NEMF: variants seen among roughly 807,000 people sequenced by gnomAD.
NEMF encodes the protein ribosome quality control complex subunit NEMF.
Under a neutral mutation model 162.2 loss-of-function variants are expected in NEMF, and 89 were observed. The ratio of observed to expected loss-of-function variants is 0.55; its 90% CI spans 0.46 to 0.65. The LOEUF is 0.65. Ranked by LOEUF, NEMF falls within the 30% of genes least tolerant of loss-of-function variation. The pLI is 0.00. For synonymous variants in NEMF, 421 were observed against 404.5 expected, an observed-to-expected ratio of 1.04 and a Z score of -0.49; for missense variants, 1,133 against 1,261.9, an observed-to-expected ratio of 0.90 and a Z score of 1.55.
intron 6 of NEMF, among the ~76,000 whole-genome samples, chr14:49,834,963 C>A (rs1892825876): frequency 6.6e-6 from 1 of 152,148 alleles, no homozygotes; most frequent in South Asian, 2.1e-4. Context: ...CTTTGGGAGG[C>A]CAAGGCAGGC....
At chr14:49,815,480 T>C (rs1346164589) in intron 16 of NEMF, among the ~76,000 whole-genome samples, 1 of 152,194 alleles carries the variant, frequency 6.6e-6, no homozygotes, top group African/African-American at 2.4e-5. Context: ...CTACATTATA[T>C]ATGACTACAG....
intron 26 of NEMF, 27 bp from the exon 27 acceptor site, chr14:49,789,600 A>G: frequency 6.3e-7 from 1 of 1,594,432 alleles, no homozygotes; most frequent in East Asian, 2.2e-5. Context: ...TTTTGGTTGG[A>G]AATATTCAGC....
Position 49,799,649 on chromosome 14 carries a change from T to C in NEMF, c.2402A>G (p.Glu801Gly), listed in dbSNP as rs559066176. 20 of 1,612,242 alleles carry C rather than the reference T, an allele frequency of 1.2e-5. No homozygotes were observed. In the South Asian group the frequency reaches 1.9e-4, roughly 15 times the overall value. Residue 801 changes from glutamate to glycine, a missense_variant, in exon 24 of 33, where the codon GAA (glutamate) becomes GGA (glycine). Transcript: ENST00000298310. ...AAAATAGCTTACAGAATTAGAAGAT[T>C]CCTCTTTTGAAGCCAATTTCTGGAT... ...RSIQKLASKE[E>G]SSNSSDSKSQ...
At chr14:49,805,794 C>T (rs1891159427) in intron 19 of NEMF, among the ~76,000 whole-genome samples, 1 of 152,070 alleles carries the variant, frequency 6.6e-6, no homozygotes. Flanking sequence ...GAAAGGTTCC[C>T]CCAATACTTC....
intron 5 of NEMF, among the ~76,000 whole-genome samples, chr14:49,838,819 T>C (rs61982322): frequency 1.5e-4 from 23 of 152,142 alleles, no homozygotes; most frequent in Non-Finnish European, 2.2e-4. Flanking sequence ...CTCCTGACCT[T>C]GTGATCCGCC....
intron 8 of NEMF, among the ~76,000 whole-genome samples, chr14:49,833,044 T>C (rs896370650): frequency 6.6e-6 from 1 of 152,156 alleles, no homozygotes; most frequent in Non-Finnish European, 1.5e-5. Flanking sequence ...GGCAGGCGGA[T>C]CACTTGAGGT....
intron 13 of NEMF, 31 bp downstream of exon 13, chr14:49,829,023 C>T (rs775803109): frequency 1.3e-6 from 2 of 1,568,702 alleles, no homozygotes; most frequent in African/African-American, 1.4e-5. Flanking sequence ...TAAAGACAAG[C>T]ATTAACTGCT....
At chr14:49,804,668 A>AC (rs1160154754) in intron 19 of NEMF, among the ~76,000 whole-genome samples, 1 of 1,312 alleles carries the variant, frequency 7.6e-4, no homozygotes. Flanking sequence ...TCCATCTCAT[A>AC]AAAAAAAAAA....
intron 27 of NEMF, 45 bp downstream of exon 27, chr14:49,789,451 C>T: frequency 6.2e-7 from 1 of 1,609,520 alleles, no homozygotes; most frequent in Non-Finnish European, 8.5e-7. Context: ...GGGCTAGATG[C>T]CCATTTGAAA....
chr14:49,793,845 G>A (rs1890563534), intron 26 of NEMF, among the ~76,000 whole-genome samples: 1 of 151,638 alleles, frequency 6.6e-6, no homozygotes, highest in Admixed American at 6.6e-5. Context: ...TGACAATGTA[G>A]TATCTATTAA....
At position 49,850,596 on chromosome 14, in the gene NEMF, G is replaced by A. The variant is rs572928826; in HGVS notation, c.231+967C>T. 2.0e-5 allele frequency among the ~76,000 whole-genome samples: 3 copies of A among 151,972 alleles called. No individual in the cohort carries two copies. The East Asian group carries it at 5.8e-4, about 29-fold the overall frequency. ...TACCACATGAATTTTCAATCTATAT[G>A]TTACATCAATAAAAGAATGGGTAGC... On this transcript the variant is annotated intron_variant, in intron 3 of 32. Coordinates refer to ENST00000298310, the MANE Select transcript of NEMF (RefSeq NM_004713.6).
At chr14:49,799,139 T>C (rs1254730367) in intron 25 of NEMF, among the ~76,000 whole-genome samples, 1 of 134,342 alleles carries the variant, frequency 7.4e-6, no homozygotes, top group Admixed American at 9.1e-5. Flanking sequence ...GCCTGGGAGT[T>C]TGAGGCTGCA....
intron 3 of NEMF, among the ~76,000 whole-genome samples, chr14:49,850,648 T>C (rs1387047463): frequency 3.3e-5 from 5 of 151,364 alleles, no homozygotes; most frequent in African/African-American, 1.2e-4. Flanking sequence ...AAATCTGTTT[T>C]AATAGTAAAA....
intron 28 of NEMF, 82 bp downstream of exon 28, chr14:49,789,064 G>T: frequency 9.4e-7 from 1 of 1,063,204 alleles, no homozygotes; most frequent in Non-Finnish European, 1.4e-6. Context: ...CTTGGTTTTA[G>T]CACTGAAAGT....
intron 28 of NEMF, among the ~76,000 whole-genome samples, chr14:49,787,569 T>G (rs1318418079): frequency 6.6e-6 from 1 of 152,174 alleles, no homozygotes; most frequent in African/African-American, 2.4e-5. Flanking sequence ...AAAAGGGCAC[T>G]CATCTCATTC....
intron 25 of NEMF, among the ~76,000 whole-genome samples, chr14:49,797,767 C>A (rs1228842969): frequency 1.3e-5 from 2 of 152,176 alleles, no homozygotes; most frequent in African/African-American, 2.4e-5. Flanking sequence ...CATTATTGTA[C>A]ATGTTTATGT....
At position 49,834,374 on chromosome 14, in the gene NEMF, A is replaced by T; in HGVS notation, c.650T>A (p.Leu217His). The change falls in exon 7 of 33, where the codon CTT becomes CAT. Residue 217 changes from leucine (L) to histidine (H), a missense_variant. Leu to His is a moderately conservative substitution (Grantham distance 99). This residue lies in a region of NEMF where 582 missense variants were observed against 631.5 expected (regional missense o/e 0.92). Coordinates refer to ENST00000298310, the MANE Select transcript of NEMF (RefSeq NM_004713.6). ...CCATGCAGACATACCTTTAGTTTCAAGTTTTTCATCCACTTTGACATTACC... is the reference window on the plus strand; with the variant it reads ...CCATGCAGACATACCTTTAGTTTCATGTTTTTCATCCACTTTGACATTACC... ...FSGNVKVDEK[L>H]ETKDIEKVLV... 6.2e-7 allele frequency: 1 copy of T among 1,600,660 alleles called. No individual in the cohort carries two copies. The highest frequency in any genetic ancestry group is 8.6e-7 in the Non-Finnish European group (1 of 1,167,750).
Position 49,833,511 on chromosome 14 carries a change from A to G in NEMF, c.662-15T>C, listed in dbSNP as rs781139256. 4 of 1,514,156 alleles carry G rather than the reference A, an allele frequency of 2.6e-6. No homozygotes were observed. The highest frequency in any genetic ancestry group is 3.6e-6 in the Non-Finnish European group (4 of 1,108,668). The allele number at this position is 1,514,156 out of a possible 1,614,324, so 93.8% of individuals were successfully genotyped here. On this transcript the variant is annotated splice_polypyrimidine_tract_variant and intron_variant, in intron 7 of 32. Transcript: ENST00000298310. The stretch of plus-strand genomic sequence containing the variant: ...TTTTTCAATATCTAATGGTGGGGGA[A>G]AAAAAGGAAAAAAGGAGTGCCAATC...
chr14:49,806,032 A>G lies in NEMF; in HGVS notation c.1846T>C (p.Tyr616His). The G allele has an allele frequency of 6.2e-7, 1 of 1,608,420 alleles. No homozygotes were observed. The highest frequency in any genetic ancestry group is 8.5e-7 in the Non-Finnish European group (1 of 1,176,606). Reference protein sequence around the residue: ...ARVITSAWWVYHHQVSKTAPT... With the variant: ...ARVITSAWWVHHHQVSKTAPT... ...AGAGCCCTTATTACCTGATGATGGT[A>G]CACCCACCAAGCACTAGTGATAACT... Residue 616 changes from tyrosine to histidine, a missense_variant, in exon 19 of 33, where the codon TAC becomes CAC. Physicochemically the swap from Tyr to His is moderately conservative, Grantham distance 83. Around this residue, in one of 3 missense-constraint regions of NEMF, gnomAD observed 532 missense variants for 578.6 expected, o/e 0.92. Coordinates refer to ENST00000298310, the MANE Select transcript of NEMF (RefSeq NM_004713.6).
Sources: allele counts gnomAD v4.1 joint callset (sites outside exome capture counted in the v4.1 genomes callset), GRCh38; gene constraint gnomAD v4.1.1; regional missense constraint gnomAD v4.1.1; transcripts MANE v1.5; gene names NCBI Gene and HGNC (gene_info 2026-07-23, HGNC 2026-07-21).